The following PCDH15 variants were observed in gnomAD, a reference collection of about 807,000 sequenced individuals.
PCDH15 encodes the protein protocadherin related 15.
Under a neutral mutation model 178.5 loss-of-function variants are expected in PCDH15, and 129 were observed. That is an observed-to-expected ratio of 0.72 (90% CI 0.63 to 0.84). The LOEUF is 0.84. PCDH15 is among the 40% of genes least tolerant of loss of function. PCDH15 has a pLI of 0.00. For synonymous variants in PCDH15, 800 were observed against 732.0 expected, an observed-to-expected ratio of 1.09 and a Z score of -1.50; for missense variants, 2,230 against 2,099.9, an observed-to-expected ratio of 1.06 and a Z score of -1.21.
intron 2 of PCDH15, among the ~76,000 whole-genome samples, chr10:55,509,471 A>G: frequency 6.6e-6 from 1 of 151,810 alleles, no homozygotes. Flanking sequence ...AACTCAAAAA[A>G]GAATTCAAGG....
chr10:55,269,301 G>GA (rs57047646), intron 1 of PCDH15, among the ~76,000 whole-genome samples: 26,034 of 149,694 alleles, frequency 0.17, 3,068 homozygotes, highest in East Asian at 0.38. Context: ...GCAAGAGAAA[G>GA]AAAAAAAAAG....
chr10:55,170,717 A>G (rs558215351), intron 1 of PCDH15, among the ~76,000 whole-genome samples: 3 of 152,072 alleles, frequency 2.0e-5, no homozygotes, highest in African/African-American at 7.2e-5. Context: ...CCCCGTCTCC[A>G]CTAAAAATAC....
chr10:55,120,199 G>GA (rs1307885665), intron 2 of PCDH15, among the ~76,000 whole-genome samples: 1 of 151,994 alleles, frequency 6.6e-6, no homozygotes, highest in Non-Finnish European at 1.5e-5. Context: ...ATGAACTAAG[G>GA]AAAAAAACTG....
intron 2 of PCDH15, among the ~76,000 whole-genome samples, chr10:55,516,987 G>A (rs1296751490): frequency 1.3e-5 from 2 of 151,788 alleles, no homozygotes; most frequent in Non-Finnish European, 2.9e-5. Flanking sequence ...TCCAAAATGA[G>A]TACAGAACAG....
At chr10:54,825,151 G>C (rs1289608488) in intron 3 of PCDH15, among the ~76,000 whole-genome samples, 2 of 151,852 alleles carry the variant, frequency 1.3e-5, no homozygotes. Flanking sequence ...GCGATAGTTT[G>C]CTGAGAATGA....
At chr10:54,895,312 C>T (rs780637810) in intron 3 of PCDH15, among the ~76,000 whole-genome samples, 4 of 152,064 alleles carry the variant, frequency 2.6e-5, no homozygotes, top group Non-Finnish European at 4.4e-5. Flanking sequence ...CATTCCTAGC[C>T]TACTACCACT....
At chr10:54,535,423 A>C (rs1048011147) in intron 2 of PCDH15, among the ~76,000 whole-genome samples, 8 of 152,146 alleles carry the variant, frequency 5.3e-5, no homozygotes, top group African/African-American at 1.9e-4. Flanking sequence ...TAGTCTTAAG[A>C]AGTTTGGCCG....
intron 1 of PCDH15, among the ~76,000 whole-genome samples, chr10:54,676,911 A>T (rs551721261): frequency 1.3e-5 from 2 of 152,234 alleles, no homozygotes; most frequent in Non-Finnish European, 2.9e-5. Context: ...AAATCTTAAG[A>T]CTAGAAACTC....
intron 2 of PCDH15, among the ~76,000 whole-genome samples, chr10:54,586,935 G>C (rs577313359): frequency 6.6e-6 from 1 of 152,044 alleles, no homozygotes; most frequent in Admixed American, 6.6e-5. Flanking sequence ...TTTGTTCTCT[G>C]TTATTTCGCA....
intron 2 of PCDH15, among the ~76,000 whole-genome samples, chr10:55,458,871 C>T (rs1047419626): frequency 1.2e-4 from 18 of 151,978 alleles, no homozygotes; most frequent in African/African-American, 2.9e-4. Context: ...AACACTAAAA[C>T]GGTAAATGAC....
At chr10:54,809,225 G>C (rs1307991618) in intron 3 of PCDH15, among the ~76,000 whole-genome samples, 6 of 152,062 alleles carry the variant, frequency 3.9e-5, no homozygotes, top group Non-Finnish European at 1.5e-5. Context: ...CCCTTAGATT[G>C]TATCAACTTT....
intron 1 of PCDH15, among the ~76,000 whole-genome samples, chr10:55,233,095 G>T (rs1841272475): frequency 6.6e-6 from 1 of 151,936 alleles, no homozygotes; most frequent in South Asian, 2.1e-4. Context: ...ACATTAAAAT[G>T]ATGTTATACT....
intron 1 of PCDH15, among the ~76,000 whole-genome samples, chr10:55,237,211 A>C (rs997972771): frequency 6.6e-6 from 1 of 152,100 alleles, no homozygotes; most frequent in African/African-American, 2.4e-5. Flanking sequence ...TGCACAATGC[A>C]CTATATTGGT....
intron 3 of PCDH15, among the ~76,000 whole-genome samples, chr10:54,849,713 A>G (rs897827321): frequency 1.3e-5 from 2 of 152,178 alleles, no homozygotes; most frequent in African/African-American, 4.8e-5. Context: ...TTTGCCAATC[A>G]TTTCAAAGGA....
chr10:55,117,409 C>A (rs1274596242), intron 2 of PCDH15, among the ~76,000 whole-genome samples: 1 of 152,054 alleles, frequency 6.6e-6, no homozygotes, highest in African/African-American at 2.4e-5. Flanking sequence ...ACAGAAATAC[C>A]AAATATTATG....
chr10:54,760,869 A>G (rs1426150263), intron 1 of PCDH15, among the ~76,000 whole-genome samples: 3 of 152,166 alleles, frequency 2.0e-5, no homozygotes, highest in African/African-American at 7.2e-5. Flanking sequence ...GTTCAAATTT[A>G]TGCATGTTAA....
chr10:53,971,069 C>T (rs915179723), intron 21 of PCDH15, among the ~76,000 whole-genome samples: 1 of 152,182 alleles, frequency 6.6e-6, no homozygotes, highest in Non-Finnish European at 1.5e-5. Context: ...TCCAGCAGCA[C>T]ATCAAGAAGC....
intron 2 of PCDH15, among the ~76,000 whole-genome samples, chr10:55,467,555 TA>T (rs1246377711): frequency 2.0e-5 from 3 of 152,256 alleles, no homozygotes; most frequent in African/African-American, 7.2e-5. Flanking sequence ...CACTGTTAGT[TA>T]AACCATATTT....
chr10:55,543,408 CTGTACCCCTCAACAA>C (rs1325781651), intron 2 of PCDH15, among the ~76,000 whole-genome samples: 1 of 149,026 alleles, frequency 6.7e-6, no homozygotes, highest in Non-Finnish European at 1.5e-5. Context: ...TATAAAAATA[CTGTACCCCTCAACAA>C]TTATATATAT....
Sources: gnomAD v4.1 joint callset for allele counts (sites outside exome capture counted in the v4.1 genomes callset) on GRCh38, gnomAD v4.1.1 for gene constraint, MANE v1.5 for transcripts, NCBI Gene and HGNC (gene_info 2026-07-23, HGNC 2026-07-21) for gene names.